The following ZBTB7C variants were observed in gnomAD, a reference collection of about 807,000 sequenced individuals.
ZBTB7C encodes zinc finger and BTB domain-containing protein 7C.
ZBTB7C carries 8 observed loss-of-function variants against 25.7 expected under a neutral mutation model. The observed-to-expected ratio is 0.31, with a 90% confidence interval of 0.18 to 0.56. The LOEUF is 0.56. ZBTB7C is among the 20% of genes least tolerant of loss of function. The pLI is 0.91. For missense variants in ZBTB7C, 824 were observed against 855.2 expected (o/e 0.96, Z 0.46); for synonymous variants, 394 against 369.0 (o/e 1.07, Z -0.78).
At chr18:48,253,699 G>C (rs1032642482) in intron 2 of ZBTB7C, among the ~76,000 whole-genome samples, 2 of 152,148 alleles carry the variant, frequency 1.3e-5, no homozygotes, top group South Asian at 2.1e-4. Flanking sequence ...TCAGAGTACC[G>C]ATTAGTGCAA....
In ZBTB7C at chr18:48,029,596, G is replaced by A. The variant is rs763309662; in HGVS notation, c.1524C>T (p.Pro508=). 1 of 1,491,312 alleles carries A rather than the reference G, an allele frequency of 6.7e-7. No individual in the cohort carries two copies. The highest frequency in any genetic ancestry group is 8.8e-7 in the Non-Finnish European group (1 of 1,132,172). The allele number at this position is 1,491,312 out of a possible 1,614,324, so 92.4% of individuals were successfully genotyped here. A position where few individuals can be genotyped will look rare whatever the true frequency, so the allele number is the denominator to read the frequency against. Residue 508 remains proline (P), a synonymous_variant, in exon 5 of 5, where the codon CCC becomes CCT. Transcript: ENST00000590800. ...GGCCGCCCACCTCGCCCAGCGCAGG[G>A]GGCATCACGAAGGCCGCCTTGTCGG... The part of the protein sequence containing the change: ...PAPDKAAFVM[P]PALGEVGGHL...
intron 2 of ZBTB7C, among the ~76,000 whole-genome samples, chr18:48,227,019 C>CAAAA (rs1187830776): frequency 1.4e-4 from 8 of 56,106 alleles, no homozygotes; most frequent in Non-Finnish European, 1.9e-4. Flanking sequence ...GACTCCATCT[C>CAAAA]AAAAAAAAAA....
At chr18:48,321,075 TG>T (rs1300322330) in intron 2 of ZBTB7C, among the ~76,000 whole-genome samples, 1 of 152,258 alleles carries the variant, frequency 6.6e-6, no homozygotes, top group Admixed American at 6.5e-5. Context: ...CATAAATTAT[TG>T]GTGCCTGAGT....
intron 1 of ZBTB7C, among the ~76,000 whole-genome samples, chr18:48,373,761 A>C (rs1452800632): frequency 6.6e-6 from 1 of 152,192 alleles, no homozygotes; most frequent in Admixed American, 6.5e-5. Context: ...GGAGATCGAG[A>C]CCATCCTGGT....
At chr18:48,045,713 C>T (rs184257553) in intron 3 of ZBTB7C, among the ~76,000 whole-genome samples, 34 of 152,328 alleles carry the variant, frequency 2.2e-4, no homozygotes, top group African/African-American at 6.3e-4. Context: ...CTCCAGCCTT[C>T]GGTCTCCTGA....
chr18:48,179,053 G>A (rs34099712), intron 3 of ZBTB7C, among the ~76,000 whole-genome samples: 31,714 of 152,130 alleles, frequency 0.21, 3,576 homozygotes, highest in South Asian at 0.26. Flanking sequence ...AGATCAAACT[G>A]CCTTGCCGTT....
intron 3 of ZBTB7C, among the ~76,000 whole-genome samples, chr18:48,079,523 G>A (rs576635998): frequency 1.3e-4 from 20 of 152,284 alleles, no homozygotes; most frequent in East Asian, 1.2e-3. Context: ...CAGTGGGATC[G>A]TGGGGTACTG....
chr18:48,294,372 G>A (rs370706644), intron 2 of ZBTB7C, among the ~76,000 whole-genome samples: 9 of 141,990 alleles, frequency 6.3e-5, no homozygotes, highest in East Asian at 2.1e-4. Flanking sequence ...CCCAGGCCCC[G>A]TTCCTAGGTG....
rs1568165930 is a variant in ZBTB7C, at chr18:48,040,117, AGTC to A, written c.988_990del (p.Asp330del). On this transcript the variant is annotated inframe_deletion, in exon 4 of 5. Coordinates refer to ENST00000590800, the MANE Select transcript of ZBTB7C (RefSeq NM_001318841.2). ...CTCAGGAAGTTGAGATAGGCACCGT[AGTC>A]GTTCTCCGCCTTGATGGGTCCCAGA... 6.2e-7 allele frequency: 1 copy of A among 1,600,634 alleles called. No individual in the cohort carries two copies. The highest frequency in any genetic ancestry group is 8.5e-7 in the Non-Finnish European group (1 of 1,173,342).
rs189948771 is a variant in ZBTB7C at position 48,296,909 on chromosome 18, C to T, written c.-79+41265G>A. 2.6e-3 allele frequency among the ~76,000 whole-genome samples: 389 copies of T among 152,310 alleles called. 3 individuals are homozygous for T. Among genetic ancestry groups the T allele is most frequent in the African/African-American group, 8.6e-3 (356 of 41,552 alleles). ...CTTGAGTCCAGGAGTTCAAGACCAG[C>T]GTGGGCAACATGGCCAAACCCCGTC... On this transcript the variant is annotated intron_variant, in intron 2 of 4. Coordinates refer to ENST00000590800, the MANE Select transcript of ZBTB7C (RefSeq NM_001318841.2).
At chr18:48,256,477 C>CAAAAAAAAAAAA (rs35449001) in intron 2 of ZBTB7C, among the ~76,000 whole-genome samples, 1 of 131,456 alleles carries the variant, frequency 7.6e-6, no homozygotes, top group Non-Finnish European at 1.6e-5. Context: ...TACAAAAGCT[C>CAAAAAAAAAAAA]AAAAAAAAAA....
In ZBTB7C at chr18:48,115,312, G is replaced by T. The variant is rs1038036743; in HGVS notation, c.-17+70622C>A. Among the ~76,000 whole-genome samples the T allele has an allele frequency of 2.0e-5, 3 of 151,836 alleles. No individual in the cohort carries two copies. The East Asian group carries it at 5.8e-4, about 29-fold the overall frequency. On this transcript the variant is annotated intron_variant, in intron 3 of 4. Transcript: ENST00000590800. Reference sequence around the variant, plus strand: ...CGCCCAAGCTGGAGTGCAGTGGCACGATCTTGGCTCACTGCAGGCTCCGCC... The same window carrying T: ...CGCCCAAGCTGGAGTGCAGTGGCACTATCTTGGCTCACTGCAGGCTCCGCC...
intron 3 of ZBTB7C, among the ~76,000 whole-genome samples, chr18:48,102,777 C>T (rs1358068960): frequency 6.6e-6 from 1 of 151,762 alleles, no homozygotes; most frequent in African/African-American, 2.4e-5. Flanking sequence ...AGGATGAAGG[C>T]AGGAAGGGAA....
At chr18:48,336,828 AG>A (rs1370693847) in intron 2 of ZBTB7C, among the ~76,000 whole-genome samples, 1 of 152,070 alleles carries the variant, frequency 6.6e-6, no homozygotes, top group Non-Finnish European at 1.5e-5. Flanking sequence ...AAGTCCAAGA[AG>A]TACAGACCAC....
intron 2 of ZBTB7C, among the ~76,000 whole-genome samples, chr18:48,201,367 G>A (rs182430635): frequency 6.6e-6 from 1 of 152,222 alleles, no homozygotes; most frequent in Non-Finnish European, 1.5e-5. Context: ...GGGGACGGTA[G>A]GCCCCAGGAG....
intron 3 of ZBTB7C, among the ~76,000 whole-genome samples, chr18:48,048,439 G>A (rs539623826): frequency 6.6e-6 from 1 of 152,326 alleles, no homozygotes; most frequent in African/African-American, 2.4e-5. Flanking sequence ...AGTTGACTGA[G>A]GAGGTTGAGG....
intron 3 of ZBTB7C, among the ~76,000 whole-genome samples, chr18:48,114,493 C>T (rs977801844): frequency 1.1e-4 from 17 of 151,868 alleles, no homozygotes; most frequent in East Asian, 1.9e-4. Flanking sequence ...CCCAGCTACT[C>T]GGGAGGCTGA....
At chr18:48,392,899 G>C (rs554824454) in intron 1 of ZBTB7C, among the ~76,000 whole-genome samples, 5 of 152,134 alleles carry the variant, frequency 3.3e-5, no homozygotes, top group African/African-American at 1.2e-4. Flanking sequence ...GGGAGACCGC[G>C]ATCCAGTCTC....
At chr18:48,116,635 T>C (rs2039450094) in intron 3 of ZBTB7C, among the ~76,000 whole-genome samples, 1 of 152,088 alleles carries the variant, frequency 6.6e-6, no homozygotes, top group African/African-American at 2.4e-5. Flanking sequence ...ACGGCTCTCT[T>C]ATATTCCTGC....
Sources: allele counts gnomAD v4.1 joint callset (sites outside exome capture counted in the v4.1 genomes callset), GRCh38; gene constraint gnomAD v4.1.1; transcripts MANE v1.5; gene names NCBI Gene and HGNC (gene_info 2026-07-23, HGNC 2026-07-21).